The following UGT2A1 variants were observed in gnomAD, a reference collection of about 807,000 sequenced individuals.
UGT2A1 encodes UDP-glucuronosyltransferase 2A1.
UGT2A1 carries 61 observed loss-of-function variants against 45.4 expected under a neutral mutation model. The ratio of observed to expected loss-of-function variants is 1.34; its 90% CI spans 1.09 to 1.66. The LOEUF (loss-of-function observed/expected upper bound fraction) is 1.66, where lower values mean the gene tolerates loss of function less well. Ranked by LOEUF, UGT2A1 falls within the 40% of genes most tolerant of loss-of-function variation. UGT2A1 has a pLI of 0.00. For missense variants in UGT2A1, 649 were observed against 574.3 expected (o/e 1.13, Z -1.33); for synonymous variants, 229 against 196.2 (o/e 1.17, Z -1.40).
intron 6 of UGT2A1, among the ~76,000 whole-genome samples, chr4:69,592,189 T>C (rs1316917867): frequency 6.6e-6 from 1 of 152,088 alleles, no homozygotes; most frequent in African/African-American, 2.4e-5. Context: ...TCCATCCGAG[T>C]TTACCTTCTC....
intron 3 of UGT2A1, among the ~76,000 whole-genome samples, chr4:69,632,667 A>G (rs1459326336): frequency 2.0e-5 from 3 of 152,118 alleles, no homozygotes; most frequent in African/African-American, 7.2e-5. Flanking sequence ...AGGCGGGCAG[A>G]TCACAAAGTC....
intron 3 of UGT2A1, among the ~76,000 whole-genome samples, chr4:69,628,401 G>A (rs540650930): frequency 1.0e-3 from 152 of 151,866 alleles, no homozygotes; most frequent in African/African-American, 3.0e-3. Context: ...TAAAGCACAC[G>A]TATAGACCAA....
intron 3 of UGT2A1, among the ~76,000 whole-genome samples, chr4:69,613,299 C>A (rs1003259021): frequency 6.6e-5 from 10 of 151,844 alleles, no homozygotes; most frequent in African/African-American, 1.7e-4. Flanking sequence ...AATCCAAAAC[C>A]TGAACGAGGC....
chr4:69,617,331 C>A (rs1374154481), intron 3 of UGT2A1, among the ~76,000 whole-genome samples: 1 of 151,704 alleles, frequency 6.6e-6, no homozygotes, highest in Non-Finnish European at 1.5e-5. Flanking sequence ...ATGGTGAGTC[C>A]AAATTATTAG....
chr4:69,622,764 A>G (rs1390563739), intron 3 of UGT2A1, among the ~76,000 whole-genome samples: 1 of 151,838 alleles, frequency 6.6e-6, no homozygotes. Context: ...AAATCTTCAC[A>G]TGACCCATAG....
chr4:69,645,947 A>G (rs774208235), intron 2 of UGT2A1, among the ~76,000 whole-genome samples: 11 of 151,528 alleles, frequency 7.3e-5, no homozygotes, highest in Non-Finnish European at 1.3e-4. Context: ...TTGCAGAAAA[A>G]CTCACATTCA....
intron 3 of UGT2A1, among the ~76,000 whole-genome samples, chr4:69,619,360 A>C (rs972990233): frequency 6.6e-6 from 1 of 151,900 alleles, no homozygotes; most frequent in African/African-American, 2.4e-5. Context: ...CATCAGTGGC[A>C]CTGTACTTCA....
chr4:69,595,244 T>A lies in UGT2A1; in HGVS notation c.1002A>T (p.Leu334Phe). The A allele has an allele frequency of 6.2e-7, 1 of 1,613,638 alleles. No individual in the cohort carries two copies. Among genetic ancestry groups the A allele is most frequent in the East Asian group, 2.2e-5 (1 of 44,786 alleles). The change falls in exon 5 of 7, where the codon TTA becomes TTT. Residue 334 changes from leucine to phenylalanine, a missense_variant. Transcript: ENST00000286604. ...CKPAKPLPKVLWRYKGKKPAT... is the reference protein window; with the variant it reads ...CKPAKPLPKVFWRYKGKKPAT... ...CTGGTTTCTTTCCTTTGTATCTCCATAAAACCTGTGGAAAATGGTGCTTTA... is the reference window on the plus strand; with the variant it reads ...CTGGTTTCTTTCCTTTGTATCTCCAAAAAACCTGTGGAAAATGGTGCTTTA...
chr4:69,618,327 T>A (rs1720539373), intron 3 of UGT2A1, among the ~76,000 whole-genome samples: 1 of 141,906 alleles, frequency 7.0e-6, no homozygotes, highest in Non-Finnish European at 1.6e-5. Context: ...TTAAATTAAG[T>A]CCAACCAGTA....
intron 3 of UGT2A1, among the ~76,000 whole-genome samples, chr4:69,621,659 C>T (rs1040408737): frequency 2.5e-4 from 38 of 151,698 alleles, no homozygotes; most frequent in Admixed American, 2.3e-3. Context: ...GGGTATACAC[C>T]GAAAGGAATA....
At chr4:69,626,029 A>C (rs1721037031) in intron 3 of UGT2A1, among the ~76,000 whole-genome samples, 1 of 151,560 alleles carries the variant, frequency 6.6e-6, no homozygotes, top group Non-Finnish European at 1.5e-5. Flanking sequence ...TCTATCATGT[A>C]TGTCATGACT....
chr4:69,632,891 A>C (rs562086097), intron 3 of UGT2A1, among the ~76,000 whole-genome samples: 16 of 152,100 alleles, frequency 1.1e-4, no homozygotes, highest in African/African-American at 3.9e-4. Context: ...CGGTCAAAAA[A>C]AAAAAAAAAA....
chr4:69,607,680 G>C (rs1227992812), intron 3 of UGT2A1, among the ~76,000 whole-genome samples: 6 of 151,994 alleles, frequency 3.9e-5, no homozygotes. Context: ...TCTGACAAAG[G>C]GCTAATATCC....
At chr4:69,609,854 G>C (rs1343764139) in intron 3 of UGT2A1, among the ~76,000 whole-genome samples, 1 of 152,078 alleles carries the variant, frequency 6.6e-6, no homozygotes, top group African/African-American at 2.4e-5. Flanking sequence ...ATAGTCACCT[G>C]ATGGAAAACT....
chr4:69,649,881 A>G (rs1399080261), intron 1 of UGT2A1, among the ~76,000 whole-genome samples: 1 of 152,108 alleles, frequency 6.6e-6, no homozygotes, highest in African/African-American at 2.4e-5. Context: ...GCAGTAAGGA[A>G]ACAGGGTAAT....
At chr4:69,595,496 A>G (rs1378348402) in intron 4 of UGT2A1, among the ~76,000 whole-genome samples, 1 of 152,222 alleles carries the variant, frequency 6.6e-6, no homozygotes, top group African/African-American at 2.4e-5. Flanking sequence ...TTTGGAAGTT[A>G]GATTTTAAGT....
intron 3 of UGT2A1, among the ~76,000 whole-genome samples, chr4:69,630,860 A>T (rs1405618958): frequency 6.6e-6 from 1 of 152,032 alleles, no homozygotes; most frequent in Non-Finnish European, 1.5e-5. Flanking sequence ...AATATACTAT[A>T]TATCAATTAT....
Position 69,647,462 on chromosome 4 carries a change from G to C in UGT2A1, c.183C>G (p.Ile61Met). Residue 61 changes from isoleucine to methionine, a missense_variant, in exon 2 of 7, where the codon ATC becomes ATG. Coordinates refer to ENST00000286604, the MANE Select transcript of UGT2A1 (RefSeq NM_001252275.3). ...TCAGAGATGGGTTAGAGGTTGGTGT[G>C]ATGAAAAGTGCACCAGAGGCAACTA... ...TVLVASGALF[I>M]TPTSNPSLTF... 6.2e-7 allele frequency: 1 copy of C among 1,613,008 alleles called. No individual in the cohort carries two copies. The highest frequency in any genetic ancestry group is 8.5e-7 in the Non-Finnish European group (1 of 1,179,376).
At chr4:69,637,782 G>A (rs1335294895) in intron 2 of UGT2A1, among the ~76,000 whole-genome samples, 1 of 151,964 alleles carries the variant, frequency 6.6e-6, no homozygotes, top group East Asian at 1.9e-4. Context: ...TTTGCTTATT[G>A]TTGTATTCCT....
Sources: allele counts gnomAD v4.1 joint callset (sites outside exome capture counted in the v4.1 genomes callset), GRCh38; gene constraint gnomAD v4.1.1; transcripts MANE v1.5; gene names NCBI Gene and HGNC (gene_info 2026-07-23, HGNC 2026-07-21).